GPC5: variants seen among roughly 807,000 people sequenced by gnomAD.
GPC5 encodes glypican 5, also known as glypican-5.
Under a neutral mutation model 53.9 loss-of-function variants are expected in GPC5, and 47 were observed. The ratio of observed to expected loss-of-function variants is 0.87; its 90% confidence interval spans 0.69 to 1.11. GPC5 has a LOEUF of 1.11. Among genes scored for constraint, GPC5 ranks in the 50% most tolerant of loss-of-function variants. The pLI, the probability that GPC5 is intolerant of heterozygous loss-of-function variation, is 0.00. For missense variants in GPC5, 748 were observed against 713.1 expected (o/e 1.05, Z -0.56); for synonymous variants, 286 against 263.3 (o/e 1.09, Z -0.84).
In GPC5 at chr13:92,758,160, T is replaced by G. The variant is rs1300363033; in HGVS notation, c.1562-108122T>G. Among the ~76,000 whole-genome samples, 3 of 148,848 alleles carry G rather than the reference T, an allele frequency of 2.0e-5. No homozygotes were observed. In the South Asian group the frequency reaches 6.5e-4, roughly 32 times the overall value. On this transcript the variant is annotated intron_variant, in intron 7 of 7. Coordinates refer to ENST00000377067, the MANE Select transcript of GPC5 (RefSeq NM_004466.6). ...TGGAATACTATGCAGCCATAAAAAA[T>G]GATGAGTTCATGTCCTTTGTAGGGA...
chr13:91,583,268 A>G (rs1368182804), intron 2 of GPC5, among the ~76,000 whole-genome samples: 1 of 152,166 alleles, frequency 6.6e-6, no homozygotes, highest in Non-Finnish European at 1.5e-5. Flanking sequence ...AACAAACAAA[A>G]CTATTATTCA....
chr13:91,655,542 C>G (rs955047637), intron 2 of GPC5, among the ~76,000 whole-genome samples: 1 of 151,860 alleles, frequency 6.6e-6, no homozygotes, highest in Non-Finnish European at 1.5e-5. Flanking sequence ...TCATATATCT[C>G]AAAAGATATT....
At chr13:92,334,777 G>T (rs1248386513) in intron 7 of GPC5, among the ~76,000 whole-genome samples, 2 of 152,106 alleles carry the variant, frequency 1.3e-5, no homozygotes, top group Non-Finnish European at 2.9e-5. Flanking sequence ...AAATCTAATA[G>T]GGCAGTCATT....
At chr13:92,142,184 C>A (rs1332810268) in intron 6 of GPC5, among the ~76,000 whole-genome samples, 1 of 152,090 alleles carries the variant, frequency 6.6e-6, no homozygotes, top group Non-Finnish European at 1.5e-5. Flanking sequence ...TACCCTAGAA[C>A]TTAAAGTATA....
chr13:92,437,637 A>G (rs971395708), intron 7 of GPC5, among the ~76,000 whole-genome samples: 4 of 152,124 alleles, frequency 2.6e-5, no homozygotes, highest in Non-Finnish European at 4.4e-5. Context: ...TATTACTTCC[A>G]TAATAATTAC....
At chr13:91,679,254 G>C (rs1004418072) in intron 2 of GPC5, among the ~76,000 whole-genome samples, 2 of 152,068 alleles carry the variant, frequency 1.3e-5, no homozygotes, top group Non-Finnish European at 2.9e-5. Context: ...TAGGTATACA[G>C]GTGCCATGAG....
At chr13:92,452,580 A>G (rs1304235183) in intron 7 of GPC5, among the ~76,000 whole-genome samples, 6 of 151,566 alleles carry the variant, frequency 4.0e-5, no homozygotes, top group Non-Finnish European at 7.4e-5. Context: ...AAAAAAAACA[A>G]AAAAAACAAC....
intron 7 of GPC5, among the ~76,000 whole-genome samples, chr13:92,497,461 A>C (rs1387661965): frequency 2.0e-5 from 3 of 152,108 alleles, no homozygotes; most frequent in African/African-American, 7.2e-5. Context: ...CCATTGGTCT[A>C]TATGTCTGTT....
chr13:92,795,055 A>G (rs1876616983), intron 7 of GPC5, among the ~76,000 whole-genome samples: 1 of 152,184 alleles, frequency 6.6e-6, no homozygotes, highest in South Asian at 2.1e-4. Flanking sequence ...ATATGGAACC[A>G]AAAAAGAGCC....
intron 7 of GPC5, among the ~76,000 whole-genome samples, chr13:92,715,217 A>C (rs926666217): frequency 1.1e-4 from 17 of 152,196 alleles, no homozygotes; most frequent in South Asian, 8.3e-4. Flanking sequence ...AGGTTCCTGA[A>C]AAAAGACTTG....
At chr13:92,397,036 A>G (rs1338564473) in intron 7 of GPC5, among the ~76,000 whole-genome samples, 3 of 152,354 alleles carry the variant, frequency 2.0e-5, no homozygotes, top group East Asian at 1.9e-4. Flanking sequence ...TGGATCTTCA[A>G]TGTTAGCACT....
chr13:91,399,271 G>A (rs887426621), intron 1 of GPC5, 62 bp downstream of exon 1: 2 of 1,556,410 alleles, frequency 1.3e-6, no homozygotes, highest in Non-Finnish European at 1.7e-6. Flanking sequence ...CGCTCCCCCA[G>A]GCTCCCTTGG....
intron 2 of GPC5, among the ~76,000 whole-genome samples, chr13:91,519,156 G>A (rs1227093148): frequency 3.3e-5 from 5 of 152,142 alleles, no homozygotes; most frequent in Non-Finnish European, 5.9e-5. Flanking sequence ...TTGTATTCAA[G>A]TATCCTATTG....
chr13:92,866,034 A>T (rs2138859931), intron 7 of GPC5, among the ~76,000 whole-genome samples: 1 of 152,244 alleles, frequency 6.6e-6, no homozygotes, highest in African/African-American at 2.4e-5. Context: ...TGTTCCAAAA[A>T]TTTTAAAAAG....
At chr13:91,460,521 C>T (rs535569526) in intron 2 of GPC5, among the ~76,000 whole-genome samples, 6 of 152,052 alleles carry the variant, frequency 3.9e-5, no homozygotes, top group South Asian at 2.1e-4. Flanking sequence ...AGGCTGGTTT[C>T]GAACTCCTGG....
chr13:91,728,268 G>A (rs879377730), intron 3 of GPC5, among the ~76,000 whole-genome samples: 1 of 152,022 alleles, frequency 6.6e-6, no homozygotes, highest in Non-Finnish European at 1.5e-5. Context: ...TATTAATATA[G>A]TTGTCTGATT....
intron 7 of GPC5, among the ~76,000 whole-genome samples, chr13:92,568,988 A>G (rs1019793191): frequency 2.0e-5 from 3 of 151,586 alleles, no homozygotes; most frequent in African/African-American, 7.3e-5. Context: ...CAGGTTAGTT[A>G]CATATGTATA....
intron 2 of GPC5, among the ~76,000 whole-genome samples, chr13:91,467,789 T>C (rs1882340174): frequency 6.6e-6 from 1 of 152,188 alleles, no homozygotes. Context: ...AATGAAAGTG[T>C]TTTAGGGAAT....
intron 7 of GPC5, among the ~76,000 whole-genome samples, chr13:92,699,120 A>G (rs1887650759): frequency 6.6e-6 from 1 of 152,012 alleles, no homozygotes; most frequent in Admixed American, 6.6e-5. Flanking sequence ...TTACTGGTCT[A>G]TTCAGGGATT....
Sources: gnomAD v4.1 joint callset for allele counts (sites outside exome capture counted in the v4.1 genomes callset) on GRCh38, gnomAD v4.1.1 for gene constraint, MANE v1.5 for transcripts, NCBI Gene and HGNC (gene_info 2026-07-23, HGNC 2026-07-21) for gene names.